Variants in GLCCI1 observed in about 807,000 individuals in gnomAD.
GLCCI1 encodes the protein glucocorticoid-induced transcript 1 protein.
Under a neutral mutation model 52.2 loss-of-function variants are expected in GLCCI1, and 24 were observed. That is an observed-to-expected ratio of 0.46 (90% confidence interval 0.33 to 0.65). GLCCI1 has a LOEUF of 0.65. Ranked by LOEUF, GLCCI1 falls within the 30% of genes least tolerant of loss-of-function variation. GLCCI1 has a pLI of 0.02. For missense variants in GLCCI1, 704 were observed against 701.5 expected, an observed-to-expected ratio of 1.00 and a Z score of -0.04; for synonymous variants, 310 against 276.5, an observed-to-expected ratio of 1.12 and a Z score of -1.20.
chr7:8,039,858 A>C (rs1190442957), intron 3 of GLCCI1, among the ~76,000 whole-genome samples: 2 of 151,968 alleles, frequency 1.3e-5, no homozygotes, highest in Admixed American at 6.6e-5. Flanking sequence ...TTAGCTTGGC[A>C]TGGTAGCGGG....
intron 1 of GLCCI1, among the ~76,000 whole-genome samples, chr7:7,985,422 T>A (rs1780702835): frequency 6.6e-6 from 1 of 152,190 alleles, no homozygotes; most frequent in South Asian, 2.1e-4. Flanking sequence ...AATTTTAATA[T>A]ACTGAGGGAT....
chr7:8,042,317 A>G (rs538593602), intron 3 of GLCCI1, among the ~76,000 whole-genome samples: 8 of 152,356 alleles, frequency 5.3e-5, no homozygotes, highest in African/African-American at 1.9e-4. Context: ...TGGGCAGAGT[A>G]AATTGAAAAC....
intron 2 of GLCCI1, among the ~76,000 whole-genome samples, chr7:8,019,959 C>A (rs1352938857): frequency 6.6e-6 from 1 of 152,172 alleles, no homozygotes; most frequent in Non-Finnish European, 1.5e-5. Flanking sequence ...CTAAGCACTG[C>A]ACATTTAGGT....
intron 3 of GLCCI1, among the ~76,000 whole-genome samples, chr7:8,025,214 C>G (rs1024921540): frequency 6.6e-6 from 1 of 151,972 alleles, no homozygotes; most frequent in Non-Finnish European, 1.5e-5. Context: ...GCCAGGAGAG[C>G]CTAGGAATAG....
intron 6 of GLCCI1, among the ~76,000 whole-genome samples, chr7:8,072,440 G>T (rs902352179): frequency 2.6e-5 from 4 of 152,022 alleles, no homozygotes; most frequent in African/African-American, 9.7e-5. Flanking sequence ...ATAGTACCAG[G>T]TGTCTTTGGC....
At chr7:8,024,235 A>G (rs1172438286) in intron 3 of GLCCI1, among the ~76,000 whole-genome samples, 1 of 152,172 alleles carries the variant, frequency 6.6e-6, no homozygotes, top group Non-Finnish European at 1.5e-5. Context: ...ATAGTTTATT[A>G]GCATGATTTT....
intron 2 of GLCCI1, among the ~76,000 whole-genome samples, chr7:8,019,573 G>T (rs867522669): frequency 2.0e-5 from 3 of 151,934 alleles, no homozygotes; most frequent in African/African-American, 7.3e-5. Flanking sequence ...TTCATGAGGG[G>T]GATATGTTTT....
At chr7:8,080,385 A>C (rs536318834) in intron 6 of GLCCI1, among the ~76,000 whole-genome samples, 1 of 151,716 alleles carries the variant, frequency 6.6e-6, no homozygotes, top group South Asian at 2.1e-4. Context: ...GAAAGATAGA[A>C]TAAGAATTAC....
intron 6 of GLCCI1, among the ~76,000 whole-genome samples, chr7:8,082,277 T>C (rs1029866175): frequency 1.3e-5 from 2 of 152,268 alleles, no homozygotes; most frequent in East Asian, 1.9e-4. Flanking sequence ...CAAGAAAAAA[T>C]ATATATGTAA....
intron 3 of GLCCI1, among the ~76,000 whole-genome samples, chr7:8,041,854 A>G (rs1782007140): frequency 6.6e-6 from 1 of 152,100 alleles, no homozygotes; most frequent in Non-Finnish European, 1.5e-5. Context: ...AGCCTCCCAA[A>G]GTGCTGGAAT....
At chr7:7,972,280 TC>T (rs919578989) in intron 1 of GLCCI1, among the ~76,000 whole-genome samples, 4 of 152,132 alleles carry the variant, frequency 2.6e-5, no homozygotes, top group African/African-American at 9.7e-5. Flanking sequence ...CTCCATTTCT[TC>T]CTCTGCTCTC....
At chr7:7,976,919 C>A (rs186708290) in intron 1 of GLCCI1, among the ~76,000 whole-genome samples, 5,878 of 141,598 alleles carry the variant, frequency 0.042, 246 homozygotes, top group East Asian at 0.19. Context: ...GGGGTGTTGT[C>A]TCAAAAAAAA....
intron 1 of GLCCI1, among the ~76,000 whole-genome samples, chr7:7,978,724 A>G (rs983954410): frequency 2.6e-5 from 4 of 152,174 alleles, no homozygotes; most frequent in Admixed American, 2.0e-4. Context: ...AGTTAAATAT[A>G]TCAGTTGTAC....
At chr7:8,024,176 A>G (rs1373640105) in intron 3 of GLCCI1, among the ~76,000 whole-genome samples, 1 of 152,028 alleles carries the variant, frequency 6.6e-6, no homozygotes, top group Non-Finnish European at 1.5e-5. Flanking sequence ...TTTATGTACT[A>G]TAGGTTATCA....
At position 7,973,296 on chromosome 7, in the gene GLCCI1, A is replaced by G. The variant is rs1780393248; in HGVS notation, c.457+3489A>G. Among the ~76,000 whole-genome samples the G allele has an allele frequency of 2.0e-5, 3 of 152,152 alleles. No homozygotes were observed. The South Asian group carries it at 6.2e-4, about 31-fold the overall frequency. On this transcript the variant is annotated intron_variant, in intron 1 of 7. Transcript: ENST00000223145. ...AATCATTAGTAACAACCAAAAGAAA[A>G]TATAGTAAAGTTGCTTCTTTTTGAA... is the stretch of plus-strand genomic sequence containing the variant.
intron 1 of GLCCI1, among the ~76,000 whole-genome samples, chr7:7,994,960 C>G (rs942434490): frequency 6.6e-6 from 1 of 152,146 alleles, no homozygotes; most frequent in Non-Finnish European, 1.5e-5. Context: ...GTTTGTGTAT[C>G]AGTGTTTGAA....
intron 4 of GLCCI1, 88 bp from the exon 5 acceptor site, chr7:8,060,007 GA>G (rs1322973444): frequency 9.2e-7 from 1 of 1,089,784 alleles, no homozygotes; most frequent in Non-Finnish European, 1.3e-6. Flanking sequence ...TCCGTTCATT[GA>G]GTTTCAATTT....
chr7:8,011,551 G>T (rs1238605412), intron 2 of GLCCI1, among the ~76,000 whole-genome samples: 5 of 152,046 alleles, frequency 3.3e-5, no homozygotes, highest in African/African-American at 1.2e-4. Context: ...TCTATGGGTG[G>T]ACATTTAGGT....
At chr7:8,019,827 C>T (rs1212794993) in intron 2 of GLCCI1, among the ~76,000 whole-genome samples, 18 of 152,126 alleles carry the variant, frequency 1.2e-4, no homozygotes, top group Admixed American at 1.1e-3. Context: ...GAAAATGATA[C>T]ACCTGTATAG....
Sources: allele counts gnomAD v4.1 joint callset (sites outside exome capture counted in the v4.1 genomes callset), GRCh38; gene constraint gnomAD v4.1.1; transcripts MANE v1.5; gene names NCBI Gene and HGNC (gene_info 2026-07-23, HGNC 2026-07-21).